RAI1: variants seen among roughly 807,000 people sequenced by gnomAD.
The protein encoded by RAI1 is retinoic acid-induced protein 1.
In RAI1, 9 loss-of-function variants were observed where a neutral mutation model predicts 123.8. The observed-to-expected ratio is 0.07, with a 90% CI of 0.04 to 0.13. RAI1 has a LOEUF of 0.13. Among genes scored for constraint, RAI1 ranks in the 10% least tolerant of loss-of-function variants. The pLI, the probability that RAI1 is intolerant of heterozygous loss-of-function variation, is 1.00. For synonymous variants in RAI1, 1,231 were observed against 1,127.3 expected (o/e 1.09, Z -1.84); for missense variants, 2,256 against 2,545.8 (o/e 0.89, Z 2.45).
chr17:17,721,828 C>T (rs1598033934), intron 1 of RAI1, among the ~76,000 whole-genome samples: 2 of 152,182 alleles, frequency 1.3e-5, no homozygotes, highest in Non-Finnish European at 2.9e-5. Context: ...CCGAGTGGGG[C>T]GGGGCTGCCC....
At chr17:17,785,066 C>G (rs1219391589) in intron 2 of RAI1, among the ~76,000 whole-genome samples, 1 of 152,254 alleles carries the variant, frequency 6.6e-6, no homozygotes, top group Admixed American at 6.5e-5. Context: ...GTATGTGTGT[C>G]TGCCTGCCTC....
chr17:17,719,301 C>T (rs1226629239), intron 1 of RAI1, among the ~76,000 whole-genome samples: 2 of 152,178 alleles, frequency 1.3e-5, no homozygotes, highest in African/African-American at 2.4e-5. Flanking sequence ...TGTGGCCCCC[C>T]GTCCTCTCTG....
chr17:17,749,889 G>T (rs917066219), intron 2 of RAI1, among the ~76,000 whole-genome samples: 7 of 152,224 alleles, frequency 4.6e-5, no homozygotes, highest in African/African-American at 1.4e-4. Context: ...ATGAGCAAAT[G>T]AGTGAATGGA....
intron 1 of RAI1, among the ~76,000 whole-genome samples, chr17:17,695,026 C>T (rs1914975414): frequency 1.3e-5 from 2 of 152,118 alleles, no homozygotes; most frequent in Admixed American, 1.3e-4. Flanking sequence ...AGCCTCGGGA[C>T]GGGCTCTGCT....
chr17:17,762,447 A>G (rs988623652), intron 2 of RAI1, among the ~76,000 whole-genome samples: 2 of 152,072 alleles, frequency 1.3e-5, no homozygotes, highest in African/African-American at 4.8e-5. Flanking sequence ...TTAGACAGCT[A>G]AGAGGTTCAA....
At chr17:17,701,084 C>T (rs1915208683) in intron 1 of RAI1, among the ~76,000 whole-genome samples, 1 of 152,146 alleles carries the variant, frequency 6.6e-6, no homozygotes, top group Non-Finnish European at 1.5e-5. Context: ...TGAAACCCAC[C>T]CCTGCGCCTC....
intron 2 of RAI1, among the ~76,000 whole-genome samples, chr17:17,781,260 G>C (rs2031571382): frequency 6.6e-6 from 1 of 152,212 alleles, no homozygotes; most frequent in Admixed American, 6.5e-5. Context: ...TGCTGCAGCA[G>C]GGAGTCTTAC....
intron 2 of RAI1, among the ~76,000 whole-genome samples, chr17:17,792,328 T>TGCGCGCGC (rs1567911860): frequency 6.6e-6 from 1 of 151,914 alleles, no homozygotes; most frequent in African/African-American, 2.4e-5. Context: ...TGTGTGTGTG[T>TGCGCGCGC]GTGCGCGCGT....
Position 17,810,361 on chromosome 17 carries a change from G to A in RAI1, c.*380G>A. On this transcript the variant is annotated 3_prime_UTR_variant, in exon 6 of 6. Coordinates refer to ENST00000353383, the MANE Select transcript of RAI1 (RefSeq NM_030665.4). The surrounding 1 kb of genome is among the most constrained non-coding windows in gnomAD (Gnocchi z 4.6). ...TTTCCCTCTGGAATCTCAAGACGAC[G>A]TGGCACACATTCCACGTGGGTGCTG... The A allele has an allele frequency of 3.2e-6, 1 of 314,686 alleles. No homozygotes were observed. The highest frequency in any genetic ancestry group is 5.9e-6 in the Non-Finnish European group (1 of 169,126). 19.5% of individuals were successfully genotyped at this position (314,686 alleles called of 1,614,324 possible).
intron 1 of RAI1, among the ~76,000 whole-genome samples, chr17:17,686,846 C>T (rs1914659840): frequency 6.6e-6 from 1 of 152,034 alleles, no homozygotes; most frequent in Non-Finnish European, 1.5e-5. Context: ...TCAGCCATGC[C>T]TTCCTTCGTC....
At chr17:17,751,472 G>C (rs1015893429) in intron 2 of RAI1, among the ~76,000 whole-genome samples, 4 of 152,190 alleles carry the variant, frequency 2.6e-5, no homozygotes, top group African/African-American at 9.7e-5. Flanking sequence ...ACCTCAAGCT[G>C]GTGTTTTCCC....
rs1014856572 is a variant in RAI1, at chr17:17,799,460, T to TC, written c.5565+952dup. On this transcript the variant is annotated intron_variant, in intron 3 of 5. Coordinates refer to ENST00000353383, the MANE Select transcript of RAI1 (RefSeq NM_030665.4). This position sits in a 1 kb window ranked among gnomAD's most constrained non-coding sequence, Gnocchi z 4.5. ...CAGTGGGGGCGGTGGGGTGCACCTC[T>TC]CCCCCGGGGCCATGCTTCTGCCCCC... is the stretch of plus-strand genomic sequence containing the variant. 6.6e-6 allele frequency among the ~76,000 whole-genome samples: 1 copy of TC among 151,900 alleles called. No individual in the cohort carries two copies. The highest frequency in any genetic ancestry group is 2.4e-5 in the African/African-American group (1 of 41,310).
At chr17:17,750,892 G>T (rs770471729) in intron 2 of RAI1, among the ~76,000 whole-genome samples, 89 of 152,158 alleles carry the variant, frequency 5.8e-4, no homozygotes, top group Non-Finnish European at 1.1e-3. Flanking sequence ...TTGTCCAAGG[G>T]TGGGGAGGTG....
chr17:17,795,278 A>G lies in RAI1; in HGVS notation c.2330A>G (p.Asp777Gly), dbSNP rs1420042683. 1.2e-6 allele frequency: 2 copies of G among 1,613,652 alleles called. No homozygotes were observed. The highest frequency in any genetic ancestry group is 4.5e-5 in the East Asian group (2 of 44,854). The change falls in exon 3 of 6, where the codon GAT becomes GGT. Residue 777 changes from aspartate (D) to glycine (G), a missense_variant. Physicochemically the swap from Asp to Gly is moderately conservative, Grantham distance 94 (BLOSUM62 -1). Coordinates refer to ENST00000353383, the MANE Select transcript of RAI1 (RefSeq NM_030665.4). This position sits in a 1 kb window ranked among gnomAD's most constrained non-coding sequence, Gnocchi z 5.9. Reference protein sequence around the residue: ...KGLEQGGKASDGISKGDTHEA... With the variant: ...KGLEQGGKASGGISKGDTHEA... Reference sequence around the variant, plus strand: ...CTGGAGCAGGGTGGGAAGGCCTCAGATGGCATCAGCAAAGGGGACACCCAT... The same window carrying G: ...CTGGAGCAGGGTGGGAAGGCCTCAGGTGGCATCAGCAAAGGGGACACCCAT...
intron 2 of RAI1, among the ~76,000 whole-genome samples, chr17:17,752,364 G>A (rs1298254327): frequency 6.6e-6 from 1 of 152,210 alleles, no homozygotes; most frequent in Non-Finnish European, 1.5e-5. Flanking sequence ...AAAGGGGCGG[G>A]GCTGACCTGT....
At chr17:17,785,063 T>TG (rs2031777078) in intron 2 of RAI1, among the ~76,000 whole-genome samples, 1 of 152,218 alleles carries the variant, frequency 6.6e-6, no homozygotes, top group African/African-American at 2.4e-5. Flanking sequence ...GTTGTATGTG[T>TG]GTCTGCCTGC....
chr17:17,692,973 G>C (rs549573152), intron 1 of RAI1, among the ~76,000 whole-genome samples: 1 of 152,368 alleles, frequency 6.6e-6, no homozygotes, highest in African/African-American at 2.4e-5. Context: ...AGAGAGGGCA[G>C]ACTCCACTCT....
chr17:17,715,417 G>A (rs753938701), intron 1 of RAI1, among the ~76,000 whole-genome samples: 6 of 152,224 alleles, frequency 3.9e-5, no homozygotes, highest in Non-Finnish European at 7.3e-5. Context: ...ACTCACCTCA[G>A]AGGATGGCTG....
intron 1 of RAI1, among the ~76,000 whole-genome samples, chr17:17,722,271 GA>G (rs1915904488): frequency 6.6e-6 from 1 of 152,166 alleles, no homozygotes; most frequent in Admixed American, 6.5e-5. Flanking sequence ...ATGGATGGAT[GA>G]ATGAATGAAT....
Sources: allele counts gnomAD v4.1 joint callset (sites outside exome capture counted in the v4.1 genomes callset), GRCh38; gene constraint gnomAD v4.1.1; non-coding constraint Gnocchi (gnomAD v3.1); transcripts MANE v1.5; gene names NCBI Gene and HGNC (gene_info 2026-07-23, HGNC 2026-07-21).